HEPH: variants seen among roughly 807,000 people sequenced by gnomAD.
The protein encoded by HEPH is hephaestin.
A neutral mutation model predicts 80.8 loss-of-function variants in HEPH; 69 were observed. That is an observed-to-expected ratio of 0.85 (90% CI 0.70 to 1.04). The LOEUF (loss-of-function observed/expected upper bound fraction) is 1.04. Among genes scored for constraint, HEPH ranks in the 50% least tolerant of loss-of-function variants. HEPH has a pLI of 0.00. For synonymous variants in HEPH, 431 were observed against 322.8 expected (o/e 1.34, Z -3.60); for missense variants, 1,115 against 891.3 (o/e 1.25, Z -3.20).
chrX:66,165,839 T>C (rs1476710102), intron 1 of HEPH, among the ~76,000 whole-genome samples: 2 of 112,004 alleles, frequency 1.8e-5, no homozygotes, highest in African/African-American at 6.5e-5. Flanking sequence ...TCCAGGATTC[T>C]TTCTCAACTT....
intron 10 of HEPH, among the ~76,000 whole-genome samples, 168 bp downstream of exon 10, chrX:66,198,062 T>C (rs1225533931): frequency 1.8e-5 from 2 of 111,887 alleles, no homozygotes. Context: ...CTATCTTGCA[T>C]GTTATTTTTT....
chrX:66,207,817 A>T (rs2088874404), intron 14 of HEPH, among the ~76,000 whole-genome samples: 1 of 111,465 alleles, frequency 9.0e-6, no homozygotes, highest in African/African-American at 3.3e-5. Context: ...ATTCCACAGC[A>T]CCTTGATTCT....
chrX:66,238,387 C>T (rs977379189), intron 15 of HEPH, among the ~76,000 whole-genome samples: 1 of 111,080 alleles, frequency 9.0e-6, no homozygotes, highest in African/African-American at 3.3e-5. Flanking sequence ...TTAGCTTGGC[C>T]AGATATGGAA....
In HEPH at chrX:66,224,486, A is replaced by G. The variant is rs142489637; in HGVS notation, c.2563+16240A>G. Among the ~76,000 whole-genome samples the G allele has an allele frequency of 8.6e-3, 967 of 112,334 alleles. 12 individuals are homozygous for G. The highest frequency in any genetic ancestry group is 0.03 in the African/African-American group (924 of 30,941). ...AATTTTCAGTGGTTAATGTTAAATC[A>G]TCCTTTTCTTTTATTGCCTTAGGAT... On this transcript the variant is annotated intron_variant, in intron 15 of 20. Transcript: ENST00000343002.
At chrX:66,235,065 T>C (rs1419212403) in intron 15 of HEPH, among the ~76,000 whole-genome samples, 2 of 111,507 alleles carry the variant, frequency 1.8e-5, no homozygotes, top group Non-Finnish European at 3.8e-5. Flanking sequence ...CCTTGTAAAT[T>C]TGTTTAAGTT....
At position 66,206,339 on chromosome X, in the gene HEPH, CTTTTTTTTTTTTTTTTTTTTTTT is replaced by C. The variant is rs760184190; in HGVS notation, c.2292-835_2292-813del. On this transcript the variant is annotated intron_variant, in intron 13 of 20. Coordinates refer to ENST00000343002, the MANE Select transcript of HEPH (RefSeq NM_001367233.3). Reference sequence around the variant, plus strand: ...GATGGCAAACAAGGAAACCTGCCATCTTTTTTTTTTTTTTTTTTTTTTTTTTTTTTTTTTTTTTTTTTTGACAA... The same window carrying C: ...GATGGCAAACAAGGAAACCTGCCATCTTTTTTTTTTTTTTTTTTTTGACAA... Among the ~76,000 whole-genome samples the C allele has an allele frequency of 1.3e-3, 19 of 14,081 alleles. No individual in the cohort carries two copies. In the East Asian group the frequency reaches 0.014, roughly 10 times the overall value. 12.2% of individuals were successfully genotyped at this position (14,081 alleles called of 115,157 possible). A position where few individuals can be genotyped will look rare whatever the true frequency, so the allele number is the denominator to read the frequency against.
At chrX:66,250,891 A>C (rs931122643) in intron 15 of HEPH, among the ~76,000 whole-genome samples, 4 of 111,636 alleles carry the variant, frequency 3.6e-5, no homozygotes, top group African/African-American at 1.3e-4. Context: ...GTATAGAGGC[A>C]TTGATTGATT....
In HEPH at chrX:66,188,382, C is replaced by T. The variant is rs951855467; in HGVS notation, c.649C>T (p.Pro217Ser). The change falls in exon 5 of 21, where the codon CCT (proline) becomes TCT (serine). Residue 217 changes from proline (P) to serine (S), a missense_variant. Coordinates refer to ENST00000343002, the MANE Select transcript of HEPH (RefSeq NM_001367233.3). ...KRGALDGNSP[P>S]QRQDVDHDFF... is the part of the protein sequence containing the mutation. Reference sequence around the variant, plus strand: ...AGGAGCCCTGGATGGGAACTCCCCTCCTCAACGCCAGGATGTAGACCATGA... The same window carrying T: ...AGGAGCCCTGGATGGGAACTCCCCTTCTCAACGCCAGGATGTAGACCATGA... 18 of 1,192,579 alleles carry T rather than the reference C, an allele frequency of 1.5e-5. No individual in the cohort carries two copies. The highest frequency in any genetic ancestry group is 1.9e-5 in the Non-Finnish European group (17 of 886,154).
At chrX:66,189,222 T>C (rs1284944333) in intron 5 of HEPH, among the ~76,000 whole-genome samples, 1 of 112,458 alleles carries the variant, frequency 8.9e-6, no homozygotes, top group Non-Finnish European at 1.9e-5. Flanking sequence ...ATGTAAAGGA[T>C]GGCTTGGATA....
At chrX:66,218,010 G>T (rs768851061) in intron 15 of HEPH, among the ~76,000 whole-genome samples, 1 of 111,274 alleles carries the variant, frequency 9.0e-6, no homozygotes, top group Non-Finnish European at 1.9e-5. Context: ...AAATATATAT[G>T]CACCTAACAC....
chrX:66,255,418 CAAAA>C (rs2091146100), intron 16 of HEPH, among the ~76,000 whole-genome samples: 2 of 106,286 alleles, frequency 1.9e-5, no homozygotes, highest in Non-Finnish European at 1.9e-5. Context: ...CACAAACAAA[CAAAA>C]AACACAAAAG....
intron 15 of HEPH, among the ~76,000 whole-genome samples, chrX:66,237,930 G>A (rs1212873855): frequency 8.9e-6 from 1 of 111,901 alleles, no homozygotes; most frequent in Non-Finnish European, 1.9e-5. Context: ...TCAGAAACTT[G>A]GATTGCAACC....
intron 12 of HEPH, among the ~76,000 whole-genome samples, chrX:66,202,912 CATAT>C (rs759619010): frequency 4.9e-4 from 40 of 81,769 alleles, no homozygotes; most frequent in South Asian, 2.4e-3. Flanking sequence ...TTTATGTGTG[CATAT>C]ATATATATAT....
chrX:66,265,063 T>G (rs1002039142), intron 20 of HEPH, among the ~76,000 whole-genome samples: 14 of 110,464 alleles, frequency 1.3e-4, no homozygotes, highest in African/African-American at 3.6e-4. Flanking sequence ...TTGAAAATGA[T>G]TTGTTCAATG....
intron 15 of HEPH, among the ~76,000 whole-genome samples, chrX:66,211,351 T>A (rs2089103872): frequency 9.0e-6 from 1 of 111,588 alleles, no homozygotes; most frequent in Non-Finnish European, 1.9e-5. Context: ...AGTCAGAATA[T>A]GTACAGTGTC....
rs765971039 is a variant in HEPH, at chrX:66,200,574, G to T, written c.1899G>T (p.Arg633Ser). The T allele has an allele frequency of 1.7e-5, 20 of 1,206,553 alleles. No homozygotes were observed. The Admixed American group carries it at 4.4e-4, about 27-fold the overall frequency. Reference protein sequence around the residue: ...INGFLFSNLPRLDMCKGDTVA... With the variant: ...INGFLFSNLPSLDMCKGDTVA... ...GGTTTCTGTTCTCTAACCTGCCCAGGCTGGACATGTGCAAGGGTGACACAG... is the reference window on the plus strand; with the variant it reads ...GGTTTCTGTTCTCTAACCTGCCCAGTCTGGACATGTGCAAGGGTGACACAG... The change falls in exon 12 of 21, where the codon AGG (arginine) becomes AGT (serine). Residue 633 changes from arginine (R) to serine (S), a missense_variant. Physicochemically the swap from Arg to Ser is moderately radical, Grantham distance 110. Around this residue, in one of 3 missense-constraint regions of HEPH, gnomAD observed 716 missense variants for 523.5 expected, o/e 1.37. Coordinates refer to ENST00000343002, the MANE Select transcript of HEPH (RefSeq NM_001367233.3).
chrX:66,264,225 C>T (rs940115129), intron 20 of HEPH, among the ~76,000 whole-genome samples: 1 of 106,486 alleles, frequency 9.4e-6, no homozygotes, highest in African/African-American at 3.4e-5. Flanking sequence ...TAACCAAAAA[C>T]CACTTGTACT....
chrX:66,217,033 T>C (rs927405795), intron 15 of HEPH, among the ~76,000 whole-genome samples: 12 of 110,888 alleles, frequency 1.1e-4, no homozygotes, highest in African/African-American at 6.5e-5. Flanking sequence ...TTTGGGATTA[T>C]GTTAAATGAC....
intron 15 of HEPH, among the ~76,000 whole-genome samples, chrX:66,254,198 T>C (rs138330577): frequency 9.0e-6 from 1 of 111,176 alleles, no homozygotes; most frequent in Non-Finnish European, 1.9e-5. Flanking sequence ...GGAAGCTTTG[T>C]AATGGTTGAG....
Sources: allele counts gnomAD v4.1 joint callset (sites outside exome capture counted in the v4.1 genomes callset), GRCh38; gene constraint gnomAD v4.1.1; regional missense constraint gnomAD v4.1.1; transcripts MANE v1.5; gene names NCBI Gene and HGNC (gene_info 2026-07-23, HGNC 2026-07-21).